MYO5B: variants seen among roughly 807,000 people sequenced by gnomAD.
MYO5B encodes the protein myosin VB.
MYO5B carries 143 observed loss-of-function variants against 229.3 expected under a neutral mutation model. The observed-to-expected ratio is 0.62, with a 90% CI of 0.54 to 0.72. The LOEUF (loss-of-function observed/expected upper bound fraction) is 0.72. Among genes scored for constraint, MYO5B ranks in the 30% least tolerant of loss-of-function variants. MYO5B has a pLI of 0.00. For missense variants in MYO5B, 2,321 were observed against 2,331.0 expected (o/e 1.00, Z 0.09); for synonymous variants, 918 against 885.2 (o/e 1.04, Z -0.66).
intron 33 of MYO5B, among the ~76,000 whole-genome samples, chr18:49,844,981 GT>G (rs2024107214): frequency 6.6e-6 from 1 of 152,176 alleles, no homozygotes; most frequent in Non-Finnish European, 1.5e-5. Flanking sequence ...TTTGGATGGG[GT>G]CTTTTGGAGG....
At chr18:49,952,351 G>A (rs1327855353) in intron 14 of MYO5B, among the ~76,000 whole-genome samples, 1 of 105,118 alleles carries the variant, frequency 9.5e-6, no homozygotes, top group East Asian at 2.6e-4. Flanking sequence ...CCCCACCCCC[G>A]GCCCTGGGTT....
intron 5 of MYO5B, among the ~76,000 whole-genome samples, chr18:49,993,875 G>A (rs1474113790): frequency 6.6e-6 from 1 of 152,132 alleles, no homozygotes; most frequent in Non-Finnish European, 1.5e-5. Context: ...ACTGCCCTCT[G>A]AGATACAACT....
intron 1 of MYO5B, among the ~76,000 whole-genome samples, chr18:50,115,280 C>T (rs1224710892): frequency 1.3e-5 from 2 of 152,150 alleles, no homozygotes; most frequent in Admixed American, 6.5e-5. Flanking sequence ...AAGGTCCTCT[C>T]CCCTACTCTT....
At chr18:49,886,754 A>C (rs899628148) in intron 22 of MYO5B, among the ~76,000 whole-genome samples, 3 of 152,106 alleles carry the variant, frequency 2.0e-5, no homozygotes, top group Non-Finnish European at 4.4e-5. Flanking sequence ...ACAGAAGAAG[A>C]AGCACCGACC....
intron 27 of MYO5B, among the ~76,000 whole-genome samples, chr18:49,868,623 G>C (rs949433062): frequency 6.6e-6 from 1 of 152,180 alleles, no homozygotes; most frequent in African/African-American, 2.4e-5. Flanking sequence ...TGGCTACCAG[G>C]CCTGTCTCAG....
intron 1 of MYO5B, among the ~76,000 whole-genome samples, chr18:50,060,853 A>C (rs1416112668): frequency 1.3e-5 from 2 of 152,014 alleles, no homozygotes; most frequent in African/African-American, 2.4e-5. Flanking sequence ...ACTTTTATCA[A>C]CCTCTAGGGG....
chr18:49,975,020 T>G (rs2025734554), intron 9 of MYO5B, among the ~76,000 whole-genome samples: 1 of 152,162 alleles, frequency 6.6e-6, no homozygotes, highest in Non-Finnish European at 1.5e-5. Flanking sequence ...GAAAGAGAAT[T>G]GAGAGCTTAT....
In MYO5B at chr18:50,042,395, T is replaced by C. The variant is rs556339204; in HGVS notation, c.139-2081A>G. On this transcript the variant is annotated intron_variant, in intron 2 of 39. Transcript: ENST00000285039. Reference sequence around the variant, plus strand: ...GCTAGATGGATGACCGTGCAAAATATCATTGGTTATCTTTGTTAGTGGGAT... The same window carrying C: ...GCTAGATGGATGACCGTGCAAAATACCATTGGTTATCTTTGTTAGTGGGAT... Among the ~76,000 whole-genome samples the C allele has an allele frequency of 9.8e-5, 15 of 152,374 alleles. 1 individual carries two copies. The highest frequency in any genetic ancestry group is 9.1e-4 in the Admixed American group (14 of 15,310).
chr18:49,887,974 C>T (rs1336449640), intron 22 of MYO5B, among the ~76,000 whole-genome samples: 2 of 152,176 alleles, frequency 1.3e-5, no homozygotes, highest in African/African-American at 4.8e-5. Context: ...ACATGAGCCA[C>T]CACACCCAGC....
At chr18:49,998,596 A>G (rs2026014180) in intron 5 of MYO5B, among the ~76,000 whole-genome samples, 1 of 152,256 alleles carries the variant, frequency 6.6e-6, no homozygotes, top group South Asian at 2.1e-4. Context: ...TCACACCCAC[A>G]TTCACAGCAG....
rs1352438105 is a variant in MYO5B at position 49,843,487 on chromosome 18, T to C, written c.4460-95A>G. 3 of 1,452,820 alleles carry C rather than the reference T, an allele frequency of 2.1e-6. No individual in the cohort carries two copies. The African/African-American group carries it at 4.2e-5, about 20-fold the overall frequency. 90.0% of individuals were successfully genotyped at this position (1,452,820 alleles called of 1,614,324 possible). A position where few individuals can be genotyped will look rare whatever the true frequency, so the allele number is the denominator to read the frequency against. ...ATCTGAATAGACGTGTTTTCAATAT[T>C]TCCCCATAGCTCATCTAGGAATAGA... On this transcript the variant is annotated intron_variant, in intron 33 of 39. Transcript: ENST00000285039.
chr18:50,044,162 A>G (rs1322812876), intron 2 of MYO5B, among the ~76,000 whole-genome samples: 1 of 152,224 alleles, frequency 6.6e-6, no homozygotes, highest in Non-Finnish European at 1.5e-5. Context: ...TGCCCAGAGC[A>G]GCAGAAAAGA....
chr18:50,165,980 A>G (rs997823597), intron 1 of MYO5B, among the ~76,000 whole-genome samples: 5 of 152,188 alleles, frequency 3.3e-5, no homozygotes, highest in Non-Finnish European at 5.9e-5. Flanking sequence ...TTCCACCTCA[A>G]GGTTTGGATG....
intron 20 of MYO5B, 67 bp from the exon 21 acceptor site, chr18:49,902,900 A>G: frequency 6.4e-7 from 1 of 1,569,980 alleles, no homozygotes; most frequent in Non-Finnish European, 8.6e-7. Flanking sequence ...GGAAGCATAC[A>G]TCACTGCCTG....
chr18:49,904,650 G>A (rs1300434417), intron 20 of MYO5B, 22 bp downstream of exon 20: 7 of 1,614,066 alleles, frequency 4.3e-6, no homozygotes, highest in Non-Finnish European at 5.9e-6. Context: ...GCAGCCCTGA[G>A]GCCCTCAGAG....
At chr18:49,953,946 TAC>T (rs1457787436) in intron 13 of MYO5B, among the ~76,000 whole-genome samples, 7 of 86,788 alleles carry the variant, frequency 8.1e-5, no homozygotes, top group African/African-American at 2.4e-4. Context: ...ACTATATATA[TAC>T]AGACATGTGT....
intron 12 of MYO5B, among the ~76,000 whole-genome samples, chr18:49,955,711 TGAA>T (rs1466917124): frequency 1.3e-5 from 2 of 152,244 alleles, no homozygotes; most frequent in East Asian, 3.8e-4. Flanking sequence ...AAAACTATCT[TGAA>T]GGAGGCTATT....
chr18:49,960,350 A>G (rs79419384), intron 12 of MYO5B, among the ~76,000 whole-genome samples: 8,249 of 152,290 alleles, frequency 0.054, 312 homozygotes, highest in Non-Finnish European at 0.085. Context: ...CTGCTTCCAC[A>G]GCCCAACAGG....
chr18:50,189,393 TG>T (rs1201471402), intron 1 of MYO5B, among the ~76,000 whole-genome samples: 2 of 152,228 alleles, frequency 1.3e-5, no homozygotes, highest in Non-Finnish European at 2.9e-5. Context: ...GAAAACAGTA[TG>T]GGTCATACTT....
Sources: gnomAD v4.1 joint callset for allele counts (sites outside exome capture counted in the v4.1 genomes callset) on GRCh38, gnomAD v4.1.1 for gene constraint, MANE v1.5 for transcripts, NCBI Gene and HGNC (gene_info 2026-07-23, HGNC 2026-07-21) for gene names.